SNTG1: variants seen among roughly 807,000 people sequenced by gnomAD.
The protein encoded by SNTG1 is gamma-1-syntrophin.
Under a neutral mutation model 74.7 loss-of-function variants are expected in SNTG1, and 39 were observed. The observed-to-expected ratio is 0.52, with a 90% confidence interval of 0.40 to 0.68. The LOEUF is 0.68. SNTG1 is among the 30% of genes least tolerant of loss of function. The pLI, the probability that SNTG1 is intolerant of heterozygous loss-of-function variation, is 0.00. For synonymous variants in SNTG1, 254 were observed against 217.1 expected, an observed-to-expected ratio of 1.17 and a Z score of -1.49; for missense variants, 685 against 609.5, an observed-to-expected ratio of 1.12 and a Z score of -1.30.
At chr8:50,150,682 A>T (rs577348767) in intron 1 of SNTG1, among the ~76,000 whole-genome samples, 66 of 152,232 alleles carry the variant, frequency 4.3e-4, no homozygotes, top group Admixed American at 6.5e-4. Flanking sequence ...TTCTGTTTAT[A>T]TGATGGATTA....
intron 17 of SNTG1, among the ~76,000 whole-genome samples, chr8:50,722,366 G>T (rs1390001750): frequency 6.6e-6 from 1 of 151,712 alleles, no homozygotes; most frequent in African/African-American, 2.4e-5. Context: ...ATAGAGACGG[G>T]GTTTTTACCA....
chr8:50,145,619 A>G (rs1310546196), intron 1 of SNTG1, among the ~76,000 whole-genome samples: 1 of 152,144 alleles, frequency 6.6e-6, no homozygotes, highest in East Asian at 1.9e-4. Flanking sequence ...GGCGGTGTTG[A>G]GAAACTCATG....
intron 2 of SNTG1, among the ~76,000 whole-genome samples, chr8:50,358,058 A>G (rs1587296819): frequency 6.6e-6 from 1 of 152,128 alleles, no homozygotes; most frequent in South Asian, 2.1e-4. Context: ...CCACTCTGAC[A>G]TAATGTGAAT....
At chr8:50,775,489 C>G (rs2095638183) in intron 18 of SNTG1, among the ~76,000 whole-genome samples, 1 of 151,644 alleles carries the variant, frequency 6.6e-6, no homozygotes, top group Non-Finnish European at 1.5e-5. Flanking sequence ...TCAGAAAACA[C>G]ACCTTCTATG....
At chr8:50,599,063 G>A (rs898733752) in intron 13 of SNTG1, among the ~76,000 whole-genome samples, 4 of 152,026 alleles carry the variant, frequency 2.6e-5, no homozygotes, top group East Asian at 1.9e-4. Context: ...TCACATCATG[G>A]AAAATGGAGT....
chr8:50,525,595 C>A (rs1489935295), intron 9 of SNTG1, among the ~76,000 whole-genome samples: 6 of 151,964 alleles, frequency 3.9e-5, no homozygotes, highest in Admixed American at 3.9e-4. Context: ...AAATGTCATG[C>A]CTTTGAATTC....
intron 13 of SNTG1, among the ~76,000 whole-genome samples, chr8:50,644,643 A>G (rs1291587781): frequency 6.6e-6 from 1 of 152,164 alleles, no homozygotes; most frequent in African/African-American, 2.4e-5. Context: ...CAAAAGTTAT[A>G]CATTAAATTT....
At chr8:50,146,027 A>T in intron 1 of SNTG1, among the ~76,000 whole-genome samples, 1 of 152,136 alleles carries the variant, frequency 6.6e-6, no homozygotes, top group Admixed American at 6.5e-5. Context: ...AAATATAGAT[A>T]AATGATTTTG....
intron 1 of SNTG1, among the ~76,000 whole-genome samples, chr8:49,937,668 T>C (rs982453425): frequency 6.6e-6 from 1 of 152,108 alleles, no homozygotes; most frequent in Non-Finnish European, 1.5e-5. Flanking sequence ...GTGGAAACCA[T>C]AGTGAACAAA....
chr8:50,557,249 A>G lies in SNTG1; in HGVS notation c.810+4070A>G, dbSNP rs540309224. Among the ~76,000 whole-genome samples, 234 of 151,178 alleles carry G rather than the reference A, an allele frequency of 1.5e-3. 1 individual carries two copies. The highest frequency in any genetic ancestry group is 5.4e-3 in the African/African-American group (224 of 41,124). On this transcript the variant is annotated intron_variant, in intron 12 of 18. Coordinates refer to ENST00000642720, the MANE Select transcript of SNTG1 (RefSeq NM_018967.5). ...AAAAAAAAAAAAAAACAGGATGAAG[A>G]CCCAGCTATGCCACATGTGGACTCC...
intron 4 of SNTG1, among the ~76,000 whole-genome samples, chr8:50,431,395 C>T (rs1351618876): frequency 6.6e-6 from 1 of 152,114 alleles, no homozygotes; most frequent in Non-Finnish European, 1.5e-5. Flanking sequence ...TAAAATTATT[C>T]AATACTTCAC....
intron 13 of SNTG1, among the ~76,000 whole-genome samples, chr8:50,601,487 G>A (rs924288206): frequency 2.0e-5 from 3 of 152,050 alleles, no homozygotes; most frequent in African/African-American, 4.8e-5. Context: ...CAGAGAAAAT[G>A]CTTGAGATGA....
chr8:50,300,772 A>C (rs751198713), intron 2 of SNTG1, among the ~76,000 whole-genome samples: 5 of 152,146 alleles, frequency 3.3e-5, no homozygotes, highest in Admixed American at 1.3e-4. Flanking sequence ...GCTAGCAACA[A>C]ATTTTATCTT....
chr8:50,605,288 C>T (rs974336014), intron 13 of SNTG1, among the ~76,000 whole-genome samples: 8 of 152,070 alleles, frequency 5.3e-5, no homozygotes, highest in African/African-American at 1.7e-4. Context: ...GTTCCACTGG[C>T]TCTAAGCCCA....
chr8:50,297,086 T>C (rs1185176082), intron 2 of SNTG1, among the ~76,000 whole-genome samples: 2 of 152,172 alleles, frequency 1.3e-5, no homozygotes, highest in Non-Finnish European at 2.9e-5. Context: ...TTTAATTTCA[T>C]GGACGTAAAT....
chr8:49,959,321 A>T (rs1484213796), intron 1 of SNTG1, among the ~76,000 whole-genome samples: 4 of 152,160 alleles, frequency 2.6e-5, no homozygotes, highest in Non-Finnish European at 5.9e-5. Context: ...ATTAAATGTC[A>T]TTGATAAATA....
intron 2 of SNTG1, among the ~76,000 whole-genome samples, chr8:50,205,353 C>T (rs1295019150): frequency 6.6e-6 from 1 of 152,152 alleles, no homozygotes; most frequent in Non-Finnish European, 1.5e-5. Flanking sequence ...TGTCTGTTGG[C>T]TGCACAAAAT....
chr8:50,734,317 T>G (rs2095520067), intron 17 of SNTG1, among the ~76,000 whole-genome samples: 1 of 151,704 alleles, frequency 6.6e-6, no homozygotes, highest in South Asian at 2.1e-4. Context: ...ACTGACATCT[T>G]CAGGATAGTG....
intron 5 of SNTG1, among the ~76,000 whole-genome samples, chr8:50,443,234 T>C (rs902704196): frequency 5.3e-5 from 8 of 152,308 alleles, no homozygotes; most frequent in African/African-American, 1.9e-4. Context: ...TTCAATACTA[T>C]CTAGCTGCAC....
Sources: gnomAD v4.1 joint callset for allele counts (sites outside exome capture counted in the v4.1 genomes callset) on GRCh38, gnomAD v4.1.1 for gene constraint, MANE v1.5 for transcripts, NCBI Gene and HGNC (gene_info 2026-07-23, HGNC 2026-07-21) for gene names.